Variants in C22orf42 observed in about 807,000 individuals in gnomAD.
C22orf42 encodes the protein chromosome 22 open reading frame 42.
A neutral mutation model predicts 31.4 loss-of-function variants in C22orf42; 24 were observed. The observed-to-expected ratio is 0.77, with a 90% CI of 0.55 to 1.08. The LOEUF (loss-of-function observed/expected upper bound fraction) is 1.08. Among genes scored for constraint, C22orf42 ranks in the 50% least tolerant of loss-of-function variants. The pLI, the probability that C22orf42 is intolerant of heterozygous loss-of-function variation, is 0.00. For synonymous variants in C22orf42, 96 were observed against 112.7 expected (o/e 0.85, Z 0.94); for missense variants, 276 against 327.3 (o/e 0.84, Z 1.21).
At chr22:32,157,752 A>G (rs1453614824) in intron 1 of C22orf42, among the ~76,000 whole-genome samples, 317 of 144,502 alleles carry the variant, frequency 2.2e-3, no homozygotes, top group East Asian at 7.6e-3. Context: ...GCCCTGCCCA[A>G]TGGCTAGTAC....
intron 7 of C22orf42, chr22:32,149,992 A>G (rs973876936): frequency 4.1e-6 from 2 of 482,860 alleles, no homozygotes; most frequent in Middle Eastern, 5.4e-4. Context: ...CAAACACAAA[A>G]TTATTTTTCA....
chr22:32,149,658 T>A (rs1169254766), intron 8 of C22orf42, 45 bp from the exon 9 acceptor site: 117 of 1,197,150 alleles, frequency 9.8e-5, no homozygotes, highest in Middle Eastern at 6.1e-4. Flanking sequence ...AAAATATATA[T>A]ATATATATAT....
At position 32,152,601 on chromosome 22, in the gene C22orf42, A is replaced by T; in HGVS notation, c.333T>A (p.Ser111=). The part of the protein sequence containing the change: ...NIGPTEDVQA[S]AHGGVEENMT... ...TATTCTCCTCCACACCGCCGTGTGC[A>T]GACGCCTGCACATCTTCAGTGGGAC... The change falls in exon 3 of 9, where the codon TCT becomes TCA. Residue 111 remains serine (S), a synonymous_variant. Coordinates refer to ENST00000382097, the MANE Select transcript of C22orf42 (RefSeq NM_001010859.3). 6.2e-7 allele frequency: 1 copy of T among 1,613,752 alleles called. No individual in the cohort carries two copies. Among genetic ancestry groups the T allele is most frequent in the Non-Finnish European group, 8.5e-7 (1 of 1,179,654 alleles).
Position 32,150,339 on chromosome 22 carries a change from C to T in C22orf42, c.634G>A (p.Asp212Asn), listed in dbSNP as rs2094110473. 6.2e-7 allele frequency: 1 copy of T among 1,613,998 alleles called. No homozygotes were observed. Among genetic ancestry groups the T allele is most frequent in the Non-Finnish European group, 8.5e-7 (1 of 1,179,984 alleles). The change falls in exon 7 of 9, where the codon GAC becomes AAC. Residue 212 changes from aspartate (D) to asparagine (N), a missense_variant. Asp to Asn is a conservative substitution (Grantham distance 23). Transcript: ENST00000382097. ...LSESLSVSLE[D>N]LMTPEMAKER... ...CTTACCATCTCCGGTGTCATGAGGT[C>T]TTCAAGAGAGACAGATAGGCTTTCA...
upstream of C22orf42, chr22:32,160,234 G>A (rs1251539797): frequency 1.3e-5 from 2 of 152,166 alleles, no homozygotes; most frequent in East Asian, 3.9e-4. Context: ...ATCCCCACAA[G>A]CCGATCATGA....
upstream of C22orf42, chr22:32,160,010 A>G (rs1352302143): frequency 6.6e-6 from 1 of 152,264 alleles, no homozygotes; most frequent in Non-Finnish European, 1.5e-5. Context: ...TGAAAACCAT[A>G]TAGTGGGATA....
intron 8 of C22orf42, 32 bp downstream of exon 8, chr22:32,149,721 A>T (rs1248753786): frequency 8.4e-7 from 1 of 1,191,340 alleles, no homozygotes; most frequent in African/African-American, 1.6e-5. Context: ...CTACATATAT[A>T]TCTATATATA....
In C22orf42 at chr22:32,151,039, A is replaced by G; in HGVS notation, c.466-20T>C. 1 of 1,610,004 alleles carries G rather than the reference A, an allele frequency of 6.2e-7. No individual in the cohort carries two copies. The highest frequency in any genetic ancestry group is 8.5e-7 in the Non-Finnish European group (1 of 1,179,156). On this transcript the variant is annotated intron_variant, in intron 5 of 8. Coordinates refer to ENST00000382097, the MANE Select transcript of C22orf42 (RefSeq NM_001010859.3). ...TATTTCCTGCAGTAAGAGAAAAGAAAAAGAAACACCATGAGGATCAGATCT... is the reference window on the plus strand; with the variant it reads ...TATTTCCTGCAGTAAGAGAAAAGAAGAAGAAACACCATGAGGATCAGATCT...
chr22:32,149,751 A>G lies in C22orf42; in HGVS notation c.682+2T>C. The G allele has an allele frequency of 7.0e-7, 1 of 1,433,320 alleles. No homozygotes were observed. The highest frequency in any genetic ancestry group is 9.3e-7 in the Non-Finnish European group (1 of 1,079,350). 88.8% of individuals were successfully genotyped at this position (1,433,320 alleles called of 1,614,324 possible). On this transcript the variant is annotated splice_donor_variant, in intron 8 of 8. Coordinates refer to ENST00000382097, the MANE Select transcript of C22orf42 (RefSeq NM_001010859.3). LOFTEE classifies it high-confidence loss of function. Reference sequence around the variant, plus strand: ...TATATATCTAGATATATATATACTTACAGAGGTAATCTTCATATCTCTCCT... The same window carrying G: ...TATATATCTAGATATATATATACTTGCAGAGGTAATCTTCATATCTCTCCT...
chr22:32,157,207 A>G (rs1344232474), intron 1 of C22orf42, among the ~76,000 whole-genome samples: 1 of 151,776 alleles, frequency 6.6e-6, no homozygotes, highest in Non-Finnish European at 1.5e-5. Context: ...CTGTCTGTTC[A>G]CTGTTGACTC....
At chr22:32,157,585 A>C (rs1921331883) in intron 1 of C22orf42, among the ~76,000 whole-genome samples, 1 of 152,196 alleles carries the variant, frequency 6.6e-6, no homozygotes, top group Admixed American at 6.5e-5. Flanking sequence ...AATTTATTTT[A>C]AAAAACAAAT....
chr22:32,157,544 A>G (rs1433110085), intron 1 of C22orf42, among the ~76,000 whole-genome samples: 10 of 152,326 alleles, frequency 6.6e-5, no homozygotes, highest in Admixed American at 3.3e-4. Flanking sequence ...GCCCTCTCCC[A>G]TCATCCTCAC....
intron 5 of C22orf42, 97 bp downstream of exon 5, chr22:32,151,390 A>G (rs1920974924): frequency 1.6e-6 from 2 of 1,269,198 alleles, no homozygotes; most frequent in Non-Finnish European, 2.3e-6. Flanking sequence ...TGAGGCCTGA[A>G]TCATGATGGC....
At position 32,150,430 on chromosome 22, in the gene C22orf42, G is replaced by T. The variant is rs771014559; in HGVS notation, c.543C>A (p.Phe181Leu). ...SESLSVCLED[F>L]MTSDLSESLS... Reference sequence around the variant, plus strand: ...GGCTTTCACTGAGATCCGATGTCATGAAGTCTTCAAGACAGACAGATAGGC... The same window carrying T: ...GGCTTTCACTGAGATCCGATGTCATTAAGTCTTCAAGACAGACAGATAGGC... Residue 181 changes from phenylalanine to leucine, a missense_variant, in exon 7 of 9, where the codon TTC becomes TTA. Transcript: ENST00000382097. 6.2e-7 allele frequency: 1 copy of T among 1,614,088 alleles called. No individual in the cohort carries two copies. The highest frequency in any genetic ancestry group is 1.7e-5 in the Admixed American group (1 of 60,016).
chr22:32,149,914 G>A, intron 7 of C22orf42, 134 bp from the exon 8 acceptor site: 2 of 640,976 alleles, frequency 3.1e-6, no homozygotes, highest in Non-Finnish European at 2.5e-6. Flanking sequence ...CCCGAATGAA[G>A]CATAGACGAT....
At chr22:32,154,892 AG>A (rs1284387079) in intron 1 of C22orf42, among the ~76,000 whole-genome samples, 2 of 152,234 alleles carry the variant, frequency 1.3e-5, no homozygotes, top group Non-Finnish European at 2.9e-5. Flanking sequence ...GCTCCCGGGC[AG>A]GGGAGGGTGG....
chr22:32,152,916 C>T (rs1395215833), intron 2 of C22orf42, among the ~76,000 whole-genome samples: 1 of 152,142 alleles, frequency 6.6e-6, no homozygotes, highest in African/African-American at 2.4e-5. Context: ...CTCATCACAC[C>T]TCCTCCCCAT....
At chr22:32,160,361 C>G (rs966743652), upstream of C22orf42, 1 of 152,094 alleles carries the variant, frequency 6.6e-6, no homozygotes, top group Non-Finnish European at 1.5e-5. Context: ...CCCCTTCATT[C>G]AACATTAAGT....
chr22:32,150,643 G>C, intron 6 of C22orf42, 164 bp from the exon 7 acceptor site: 1 of 680,086 alleles, frequency 1.5e-6, no homozygotes, highest in Non-Finnish European at 2.5e-6. Flanking sequence ...GAAGGCAAAG[G>C]AGAAGGGCAG....
Sources: gnomAD v4.1 joint callset for allele counts (sites outside exome capture counted in the v4.1 genomes callset) on GRCh38, gnomAD v4.1.1 for gene constraint, MANE v1.5 for transcripts, NCBI Gene and HGNC (gene_info 2026-07-23, HGNC 2026-07-21) for gene names.